Variants in FCHSD2 observed in about 807,000 individuals in gnomAD.
FCHSD2 encodes F-BAR and double SH3 domains protein 2.
Under a neutral mutation model 108.1 loss-of-function variants are expected in FCHSD2, and 38 were observed. The observed-to-expected ratio is 0.35, with a 90% CI of 0.27 to 0.46. FCHSD2 has a LOEUF of 0.46. Ranked by LOEUF, FCHSD2 falls within the 20% of genes least tolerant of loss-of-function variation. The pLI, the probability that FCHSD2 is intolerant of heterozygous loss-of-function variation, is 1.00. For missense variants in FCHSD2, 751 were observed against 897.8 expected, an observed-to-expected ratio of 0.84 and a Z score of 2.09; for synonymous variants, 279 against 314.7, an observed-to-expected ratio of 0.89 and a Z score of 1.20.
chr11:73,083,376 C>G (rs1487938909), intron 3 of FCHSD2, among the ~76,000 whole-genome samples: 1 of 152,034 alleles, frequency 6.6e-6, no homozygotes, highest in Non-Finnish European at 1.5e-5. Flanking sequence ...TGGTGAAACC[C>G]TGTCTCTACT....
intron 2 of FCHSD2, among the ~76,000 whole-genome samples, chr11:73,096,121 G>C (rs917807535): frequency 6.6e-6 from 1 of 152,066 alleles, no homozygotes; most frequent in African/African-American, 2.4e-5. Context: ...AAATTTTTAA[G>C]AGAAGAAGAA....
At chr11:72,862,069 C>T (rs977179121) in intron 13 of FCHSD2, among the ~76,000 whole-genome samples, 3 of 152,096 alleles carry the variant, frequency 2.0e-5, no homozygotes, top group Non-Finnish European at 2.9e-5. Context: ...TTGACAAGAT[C>T]CAACATCCAT....
intron 8 of FCHSD2, among the ~76,000 whole-genome samples, chr11:72,967,907 C>T (rs1314510994): frequency 6.6e-6 from 1 of 151,698 alleles, no homozygotes; most frequent in Non-Finnish European, 1.5e-5. Flanking sequence ...CTGGCTAACG[C>T]GGTGAATCCC....
intron 4 of FCHSD2, among the ~76,000 whole-genome samples, chr11:73,003,617 G>A (rs2135420395): frequency 6.7e-6 from 1 of 149,886 alleles, no homozygotes; most frequent in South Asian, 2.1e-4. Flanking sequence ...CTCCCAAGTA[G>A]CTGGGACTAC....
At chr11:73,122,516 T>G (rs1860758895) in intron 2 of FCHSD2, among the ~76,000 whole-genome samples, 1 of 152,240 alleles carries the variant, frequency 6.6e-6, no homozygotes, top group East Asian at 1.9e-4. Flanking sequence ...GAATGGCTAC[T>G]TGTAAGAAAT....
intron 3 of FCHSD2, among the ~76,000 whole-genome samples, chr11:73,028,733 C>A (rs915975951): frequency 2.6e-5 from 4 of 152,136 alleles, no homozygotes; most frequent in African/African-American, 9.7e-5. Flanking sequence ...GGGGAAAAAC[C>A]TGGTGGGAGG....
At chr11:72,987,973 T>C (rs979023126) in intron 6 of FCHSD2, among the ~76,000 whole-genome samples, 1 of 152,202 alleles carries the variant, frequency 6.6e-6, no homozygotes, top group African/African-American at 2.4e-5. Context: ...AAATATTAAA[T>C]GTGTTTTCCT....
rs941365832 is a variant in FCHSD2, at chr11:73,080,301, A to T, written c.165+3394T>A. ...GATAGAGCAAGACCCTGTCTCAAAA[A>T]AAAAAAAAAAAAAAAAAAGAAAGAA... On this transcript the variant is annotated intron_variant, in intron 3 of 19. Coordinates refer to ENST00000409418, the MANE Select transcript of FCHSD2 (RefSeq NM_014824.3). Among the ~76,000 whole-genome samples, 780 of 149,854 alleles carry T rather than the reference A, an allele frequency of 5.2e-3. 4 individuals are homozygous for T. Among genetic ancestry groups the T allele is most frequent in the South Asian group, 0.013 (63 of 4,796 alleles).
chr11:73,045,955 T>A (rs1476978930), intron 3 of FCHSD2, among the ~76,000 whole-genome samples: 1 of 151,028 alleles, frequency 6.6e-6, no homozygotes, highest in Non-Finnish European at 1.5e-5. Flanking sequence ...GCAAAAAACA[T>A]CTCTTGCTTA....
intron 9 of FCHSD2, among the ~76,000 whole-genome samples, chr11:72,916,126 G>T (rs1453228674): frequency 6.6e-6 from 1 of 151,958 alleles, no homozygotes; most frequent in Non-Finnish European, 1.5e-5. Flanking sequence ...GGCTTAATAC[G>T]TGGGTGATAA....
At chr11:72,931,063 T>C (rs1448851970) in intron 8 of FCHSD2, among the ~76,000 whole-genome samples, 1 of 150,428 alleles carries the variant, frequency 6.6e-6, no homozygotes, top group Non-Finnish European at 1.5e-5. Flanking sequence ...TATATATATA[T>C]ATATATACCT....
chr11:72,976,438 C>T (rs1026172146), intron 8 of FCHSD2, among the ~76,000 whole-genome samples: 3 of 152,046 alleles, frequency 2.0e-5, no homozygotes, highest in Non-Finnish European at 2.9e-5. Flanking sequence ...ACTACAAGCA[C>T]GTGCTAATTT....
chr11:72,846,035 G>A (rs1861125605), intron 14 of FCHSD2, among the ~76,000 whole-genome samples: 1 of 151,938 alleles, frequency 6.6e-6, no homozygotes. Flanking sequence ...TAGGGTTATT[G>A]AAGGGATTAC....
intron 13 of FCHSD2, among the ~76,000 whole-genome samples, chr11:72,862,824 AT>A (rs1205754256): frequency 6.6e-6 from 1 of 152,242 alleles, no homozygotes; most frequent in East Asian, 1.9e-4. Context: ...GTCATGACTT[AT>A]TATAAAATTA....
chr11:72,959,352 C>T (rs1025194066), intron 8 of FCHSD2, among the ~76,000 whole-genome samples: 5 of 148,176 alleles, frequency 3.4e-5, no homozygotes, highest in African/African-American at 1.2e-4. Flanking sequence ...GCCTCAGTCT[C>T]CCGAGTAGCT....
In FCHSD2 at chr11:72,984,073, T is replaced by A; in HGVS notation, c.705+15A>T. ...CAATGAAGTAAAATTACCATAGATA[T>A]GAAAGCTGTATTACCTTCATAATGT... On this transcript the variant is annotated intron_variant, in intron 8 of 19. Coordinates refer to ENST00000409418, the MANE Select transcript of FCHSD2 (RefSeq NM_014824.3). The A allele has an allele frequency of 6.2e-7, 1 of 1,601,078 alleles. No individual in the cohort carries two copies. The highest frequency in any genetic ancestry group is 8.5e-7 in the Non-Finnish European group (1 of 1,171,640).
chr11:73,106,596 G>C (rs979743204), intron 2 of FCHSD2, among the ~76,000 whole-genome samples: 20 of 151,816 alleles, frequency 1.3e-4, no homozygotes, highest in Admixed American at 5.9e-4. Flanking sequence ...TTGTTGCAGG[G>C]TCATGAAACT....
At chr11:72,917,703 T>A (rs1469514830) in intron 9 of FCHSD2, among the ~76,000 whole-genome samples, 1 of 152,118 alleles carries the variant, frequency 6.6e-6, no homozygotes, top group Non-Finnish European at 1.5e-5. Flanking sequence ...CTGGCTAACA[T>A]GACGAAACCC....
intron 8 of FCHSD2, among the ~76,000 whole-genome samples, chr11:72,941,377 A>G (rs1856415326): frequency 6.6e-6 from 1 of 151,340 alleles, no homozygotes; most frequent in African/African-American, 2.4e-5. Flanking sequence ...TATAAAAACT[A>G]TACTTAAATT....
Sources: allele counts gnomAD v4.1 joint callset (sites outside exome capture counted in the v4.1 genomes callset), GRCh38; gene constraint gnomAD v4.1.1; transcripts MANE v1.5; gene names NCBI Gene and HGNC (gene_info 2026-07-23, HGNC 2026-07-21).